Variants in BDP1 observed in about 807,000 individuals in gnomAD.
The protein encoded by BDP1 is transcription factor TFIIIB component B'' homolog.
In BDP1, 169 loss-of-function variants were observed where a neutral mutation model predicts 266.6. The observed-to-expected ratio is 0.63, with a 90% CI of 0.56 to 0.72. The LOEUF is 0.72. Ranked by LOEUF, BDP1 falls within the 30% of genes least tolerant of loss-of-function variation. The probability of loss-of-function intolerance (pLI) is 0.00; values close to 1 mark genes in which losing one functional copy is unlikely to be tolerated. For missense variants in BDP1, 3,015 were observed against 3,053.8 expected, an observed-to-expected ratio of 0.99 and a Z score of 0.30; for synonymous variants, 1,090 against 1,022.4, an observed-to-expected ratio of 1.07 and a Z score of -1.26.
At chr5:71,555,501 G>A (rs1052212013) in intron 35 of BDP1, among the ~76,000 whole-genome samples, 5 of 149,112 alleles carry the variant, frequency 3.4e-5, no homozygotes, top group African/African-American at 9.9e-5. Context: ...GTGCAATAGC[G>A]TGATCTCAGC....
At position 71,541,965 on chromosome 5, in the gene BDP1, T is replaced by C. The variant is rs1164846674; in HGVS notation, c.6252-140T>C. The C allele has an allele frequency of 1.9e-5, 13 of 669,436 alleles. No individual in the cohort carries two copies. In the Admixed American group the frequency reaches 2.5e-4, roughly 13 times the overall value. The allele number at this position is 669,436 out of a possible 1,614,324, so 41.5% of individuals were successfully genotyped here. ...CTCTAGTAAAGTTACTACTTTGTAA[T>C]TTTAGTATTAAGAAATGAACACTTG... On this transcript the variant is annotated intron_variant, in intron 29 of 38. Transcript: ENST00000358731.
Position 71,470,377 on chromosome 5 carries a change from A to G in BDP1, c.920-18A>G, listed in dbSNP as rs1463628692. 6.6e-7 allele frequency: 1 copy of G among 1,516,580 alleles called. No homozygotes were observed. The allele number at this position is 1,516,580 out of a possible 1,614,324, so 93.9% of individuals were successfully genotyped here. On this transcript the variant is annotated intron_variant, in intron 6 of 38. Transcript: ENST00000358731. Reference sequence around the variant, plus strand: ...ATATAATTAATTTTCAATCATTCTAAATCTTTTATTTTCACAGAAACAGAT... The same window carrying G: ...ATATAATTAATTTTCAATCATTCTAGATCTTTTATTTTCACAGAAACAGAT...
At chr5:71,542,918 A>G (rs1391253369) in intron 30 of BDP1, among the ~76,000 whole-genome samples, 1 of 152,230 alleles carries the variant, frequency 6.6e-6, no homozygotes, top group Non-Finnish European at 1.5e-5. Context: ...CTTGAGCCGT[A>G]GAGAAGTGAA....
At chr5:71,474,902 C>T (rs1762494355) in intron 7 of BDP1, among the ~76,000 whole-genome samples, 1 of 150,940 alleles carries the variant, frequency 6.6e-6, no homozygotes, top group Non-Finnish European at 1.5e-5. Context: ...GCTGGGATTA[C>T]AGGCGTGAGC....
chr5:71,552,702 C>T (rs914513275), intron 34 of BDP1, among the ~76,000 whole-genome samples: 31 of 152,244 alleles, frequency 2.0e-4, no homozygotes, highest in Non-Finnish European at 3.8e-4. Flanking sequence ...CGCCTGCAAT[C>T]GCAGGCACTC....
intron 13 of BDP1, among the ~76,000 whole-genome samples, chr5:71,498,861 T>C (rs1764057454): frequency 1.3e-5 from 2 of 151,986 alleles, no homozygotes; most frequent in South Asian, 4.1e-4. Context: ...GTAGCTGGGA[T>C]TGCAGGCATG....
chr5:71,499,938 T>C (rs1764127761), intron 13 of BDP1, among the ~76,000 whole-genome samples: 1 of 152,176 alleles, frequency 6.6e-6, no homozygotes, highest in Non-Finnish European at 1.5e-5. Flanking sequence ...TCTTTTGTTA[T>C]TTGTTATTTT....
chr5:71,551,814 C>T (rs1403000140), intron 34 of BDP1, among the ~76,000 whole-genome samples: 10 of 150,642 alleles, frequency 6.6e-5, no homozygotes, highest in Admixed American at 3.3e-4. Context: ...GGTGGCTGGC[C>T]GGGCAGAGGG....
At chr5:71,479,601 C>T (rs2150386084) in intron 7 of BDP1, among the ~76,000 whole-genome samples, 1 of 151,598 alleles carries the variant, frequency 6.6e-6, no homozygotes, top group East Asian at 2.0e-4. Context: ...GGCCAGAGTG[C>T]AGTGGCGCAA....
intron 22 of BDP1, 148 bp downstream of exon 22, chr5:71,517,600 A>G: frequency 1.6e-6 from 1 of 644,642 alleles, no homozygotes; most frequent in East Asian, 3.1e-5. Context: ...GAGTCTTTTA[A>G]ATCTGCTTCT....
At chr5:71,572,519 A>C (rs1455369852), downstream of BDP1, among the ~76,000 whole-genome samples, 4 of 152,222 alleles carry the variant, frequency 2.6e-5, no homozygotes, top group Admixed American at 2.6e-4. Flanking sequence ...CTAAAAAGGT[A>C]CTAGGAGCAG....
chr5:71,501,887 G>C (rs1368323882), intron 14 of BDP1, among the ~76,000 whole-genome samples: 2 of 152,048 alleles, frequency 1.3e-5, no homozygotes, highest in Non-Finnish European at 2.9e-5. Context: ...AATGTTTACA[G>C]TATATGCCCC....
chr5:71,533,226 C>G (rs1305126230), intron 26 of BDP1, among the ~76,000 whole-genome samples: 1 of 152,096 alleles, frequency 6.6e-6, no homozygotes, highest in Non-Finnish European at 1.5e-5. Context: ...ATACATAATG[C>G]TGCTGTAAAC....
At chr5:71,560,981 C>T (rs1743605462) in intron 37 of BDP1, among the ~76,000 whole-genome samples, 1 of 152,200 alleles carries the variant, frequency 6.6e-6, no homozygotes, top group Non-Finnish European at 1.5e-5. Context: ...TACAGTGGCA[C>T]ATGCCTATAA....
At chr5:71,562,592 T>C in intron 38 of BDP1, 72 bp downstream of exon 38, 1 of 1,532,288 alleles carries the variant, frequency 6.5e-7, no homozygotes, top group Non-Finnish European at 8.8e-7. Flanking sequence ...AGGGAAAACA[T>C]AGTAATTTGT....
Position 71,532,507 on chromosome 5 carries a change from T to C in BDP1, c.5892+80T>C, listed in dbSNP as rs969376269. On this transcript the variant is annotated intron_variant, in intron 26 of 38. Transcript: ENST00000358731. ...GACTGGAGGTTCCTTTTGATAGCTT[T>C]AGGTTTATAAACACTTTACTTAGCT... 12 of 1,411,542 alleles carry C rather than the reference T, an allele frequency of 8.5e-6. No homozygotes were observed. The Admixed American group carries it at 1.5e-4, about 17-fold the overall frequency. The allele number at this position is 1,411,542 out of a possible 1,614,324, so 87.4% of individuals were successfully genotyped here. A position where few individuals can be genotyped will look rare whatever the true frequency, so the allele number is the denominator to read the frequency against.
chr5:71,474,170 T>C lies in BDP1; in HGVS notation c.1014+3681T>C, dbSNP rs143005192. On this transcript the variant is annotated intron_variant, in intron 7 of 38. Transcript: ENST00000358731. ...AATTTTTTTGTATTTTTAGTAGAGA[T>C]GGGGTTTCACCATGTTAGCCAGGGT... Among the ~76,000 whole-genome samples the C allele has an allele frequency of 5.7e-3, 858 of 151,456 alleles. 8 individuals carry two copies. Among genetic ancestry groups the C allele is most frequent in the Non-Finnish European group, 9.7e-3 (657 of 67,792 alleles).
intron 7 of BDP1, among the ~76,000 whole-genome samples, chr5:71,479,559 T>G (rs990016454): frequency 2.6e-5 from 4 of 151,760 alleles, no homozygotes; most frequent in African/African-American, 9.7e-5. Flanking sequence ...CTTTTTCTTT[T>G]TTTTTGAGGC....
chr5:71,524,828 C>T lies in BDP1; in HGVS notation c.5772+505C>T, dbSNP rs888281192. Among the ~76,000 whole-genome samples, 17 of 150,108 alleles carry T rather than the reference C, an allele frequency of 1.1e-4. No individual in the cohort carries two copies. In the East Asian group the frequency reaches 1.2e-3, roughly 10 times the overall value. On this transcript the variant is annotated intron_variant, in intron 25 of 38. Transcript: ENST00000358731. ...CTGGGTACTTGAGATTAGGGAGTGG[C>T]GATGACTCTTAACGAGCATGCTGCC...
Sources: allele counts gnomAD v4.1 joint callset (sites outside exome capture counted in the v4.1 genomes callset), GRCh38; gene constraint gnomAD v4.1.1; transcripts MANE v1.5; gene names NCBI Gene and HGNC (gene_info 2026-07-23, HGNC 2026-07-21).